Variants in MEGF11 observed in about 807,000 individuals in gnomAD.
MEGF11 encodes multiple epidermal growth factor-like domains protein 11.
MEGF11 carries 126 observed loss-of-function variants against 146.6 expected under a neutral mutation model. The observed-to-expected ratio is 0.86, with a 90% CI of 0.74 to 1.00. The LOEUF (loss-of-function observed/expected upper bound fraction) is 1.00. MEGF11 is among the 50% of genes least tolerant of loss of function. The pLI, the probability that MEGF11 is intolerant of heterozygous loss-of-function variation, is 0.00. For synonymous variants in MEGF11, 532 were observed against 583.4 expected (o/e 0.91, Z 1.27); for missense variants, 1,509 against 1,521.2 (o/e 0.99, Z 0.13).
At chr15:65,980,044 G>T (rs922186575) in intron 7 of MEGF11, among the ~76,000 whole-genome samples, 2 of 151,992 alleles carry the variant, frequency 1.3e-5, no homozygotes, top group Non-Finnish European at 1.5e-5. Flanking sequence ...GAATCAGAAT[G>T]TGTGTGTGTG....
chr15:65,918,106 G>A lies in MEGF11; in HGVS notation c.1958-12C>T. The stretch of plus-strand genomic sequence containing the variant: ...TCCTCCAGCACACACTGTGGGCACA[G>A]GGCAGCCTGGCACCCATCCTCCCAC... On this transcript the variant is annotated splice_polypyrimidine_tract_variant and intron_variant, in intron 15 of 25. Coordinates refer to ENST00000395614, the MANE Select transcript of MEGF11 (RefSeq NM_001385028.1). 1.2e-6 allele frequency: 2 copies of A among 1,613,300 alleles called. No homozygotes were observed. Among genetic ancestry groups the A allele is most frequent in the Admixed American group, 3.3e-5 (2 of 60,014 alleles).
intron 5 of MEGF11, among the ~76,000 whole-genome samples, chr15:66,063,463 G>A (rs1424181773): frequency 6.6e-6 from 1 of 152,206 alleles, no homozygotes; most frequent in Non-Finnish European, 1.5e-5. Context: ...GGCCCCTGGG[G>A]TGGCCTGGAA....
intron 8 of MEGF11, 106 bp from the exon 9 acceptor site, chr15:65,965,226 G>T: frequency 1.1e-6 from 1 of 905,952 alleles, no homozygotes; most frequent in Non-Finnish European, 1.7e-6. Context: ...CAGGCCTGGT[G>T]TGCTCCACGC....
At chr15:65,918,129 C>T (rs1414948476) in intron 15 of MEGF11, 35 bp from the exon 16 acceptor site, 1 of 1,611,468 alleles carries the variant, frequency 6.2e-7, no homozygotes, top group African/African-American at 1.3e-5. Flanking sequence ...CCCATCCTCC[C>T]ACCTGTGTTC....
intron 1 of MEGF11, among the ~76,000 whole-genome samples, chr15:66,169,969 T>C (rs994085319): frequency 1.1e-4 from 17 of 151,960 alleles, no homozygotes; most frequent in Non-Finnish European, 1.9e-4. Flanking sequence ...TTCTGCACAA[T>C]TTATTTTGGG....
intron 4 of MEGF11, among the ~76,000 whole-genome samples, chr15:66,112,597 G>A (rs543601772): frequency 1.3e-5 from 2 of 152,316 alleles, no homozygotes; most frequent in East Asian, 3.9e-4. Flanking sequence ...CAGAATTGAT[G>A]AAGGACATGA....
In MEGF11 at chr15:65,931,052, C is replaced by T. The variant is rs1251578794; in HGVS notation, c.1288-109G>A. The T allele has an allele frequency of 3.9e-6, 5 of 1,286,378 alleles. No individual in the cohort carries two copies. The Admixed American group carries it at 1.7e-4, about 43-fold the overall frequency. 79.7% of individuals were successfully genotyped at this position (1,286,378 alleles called of 1,614,324 possible). The stretch of plus-strand genomic sequence containing the variant: ...CCCCAACATGTCCATGTCCTAATCC[C>T]TGGGATCTGTGAATATGTTACCTTA... On this transcript the variant is annotated intron_variant, in intron 10 of 25. Transcript: ENST00000395614.
chr15:65,912,518 A>G lies in MEGF11; in HGVS notation c.2711-318T>C, dbSNP rs972886539. The G allele has an allele frequency of 4.2e-5, 8 of 190,248 alleles. No homozygotes were observed. The East Asian group carries it at 5.9e-4, about 14-fold the overall frequency. The allele number at this position is 190,248 out of a possible 1,614,324, so 11.8% of individuals were successfully genotyped here. A position where few individuals can be genotyped will look rare whatever the true frequency, so the allele number is the denominator to read the frequency against. ...TAGCCTTACATGTCCCTGAGTCCCT[A>G]TTTAGGGCTGGACTCACCTGCTTCC... is the stretch of plus-strand genomic sequence containing the variant. On this transcript the variant is annotated intron_variant, in intron 20 of 25. Coordinates refer to ENST00000395614, the MANE Select transcript of MEGF11 (RefSeq NM_001385028.1).
At chr15:66,083,598 G>A (rs901359648) in intron 5 of MEGF11, among the ~76,000 whole-genome samples, 10 of 151,800 alleles carry the variant, frequency 6.6e-5, no homozygotes, top group African/African-American at 1.9e-4. Context: ...CTAAAAGCAC[G>A]GGCAATGAAA....
At chr15:65,934,173 A>G (rs1305894056) in intron 10 of MEGF11, among the ~76,000 whole-genome samples, 1 of 152,240 alleles carries the variant, frequency 6.6e-6, no homozygotes, top group Non-Finnish European at 1.5e-5. Context: ...ATATTGTGAA[A>G]TATAAGGTCT....
chr15:65,949,836 C>T (rs144491758), intron 10 of MEGF11, among the ~76,000 whole-genome samples: 17 of 152,294 alleles, frequency 1.1e-4, no homozygotes, highest in Non-Finnish European at 1.3e-4. Context: ...TCAGTCTGGC[C>T]GCCTAGGTGA....
intron 5 of MEGF11, among the ~76,000 whole-genome samples, chr15:66,058,631 G>A (rs779020099): frequency 6.6e-6 from 1 of 152,150 alleles, no homozygotes; most frequent in Non-Finnish European, 1.5e-5. Context: ...TAGAGGCTCT[G>A]AGGAAGGGAT....
intron 13 of MEGF11, among the ~76,000 whole-genome samples, chr15:65,926,802 T>G (rs2079387185): frequency 6.6e-6 from 1 of 152,230 alleles, no homozygotes; most frequent in African/African-American, 2.4e-5. Flanking sequence ...AAATCTTAAT[T>G]GGCTCACTCA....
At chr15:65,912,320 AC>A in intron 20 of MEGF11, 120 bp from the exon 21 acceptor site, 1 of 520,618 alleles carries the variant, frequency 1.9e-6, no homozygotes, top group Non-Finnish European at 2.9e-6. Flanking sequence ...ACAGGCAAGT[AC>A]CCCATCCCCC....
intron 5 of MEGF11, among the ~76,000 whole-genome samples, chr15:66,047,639 T>C (rs2084265937): frequency 6.6e-6 from 1 of 152,204 alleles, no homozygotes; most frequent in South Asian, 2.1e-4. Flanking sequence ...TTTAATCCCT[T>C]TTTCCCTGGC....
chr15:65,933,535 TG>T (rs1253482359), intron 10 of MEGF11, among the ~76,000 whole-genome samples: 2 of 152,222 alleles, frequency 1.3e-5, no homozygotes, highest in Non-Finnish European at 2.9e-5. Flanking sequence ...CTCCCCACAA[TG>T]CCGTGTCAGT....
At chr15:66,175,004 T>C (rs1441732485) in intron 1 of MEGF11, among the ~76,000 whole-genome samples, 1 of 152,238 alleles carries the variant, frequency 6.6e-6, no homozygotes, top group African/African-American at 2.4e-5. Flanking sequence ...AGCTAGTTTG[T>C]AATTGGTGTA....
At chr15:66,203,593 C>T (rs991249936) in intron 1 of MEGF11, among the ~76,000 whole-genome samples, 5 of 152,138 alleles carry the variant, frequency 3.3e-5, no homozygotes, top group Non-Finnish European at 7.3e-5. Context: ...CAGAGGTCCC[C>T]AGAGAGAAAC....
intron 5 of MEGF11, among the ~76,000 whole-genome samples, chr15:66,059,047 G>A (rs1003927075): frequency 3.3e-5 from 5 of 152,096 alleles, no homozygotes; most frequent in South Asian, 2.1e-4. Flanking sequence ...TCAGGGCCCC[G>A]TCATCAAACC....
Sources: gnomAD v4.1 joint callset for allele counts (sites outside exome capture counted in the v4.1 genomes callset) on GRCh38, gnomAD v4.1.1 for gene constraint, MANE v1.5 for transcripts, NCBI Gene and HGNC (gene_info 2026-07-23, HGNC 2026-07-21) for gene names.